Variants in FRMD4A observed in about 807,000 individuals in gnomAD.
FRMD4A encodes the protein FERM domain containing 4A.
Under a neutral mutation model 129.1 loss-of-function variants are expected in FRMD4A, and 29 were observed. That is an observed-to-expected ratio of 0.22 (90% CI 0.17 to 0.31). The LOEUF is 0.31. FRMD4A is among the 10% of genes least tolerant of loss of function. The pLI is 1.00. For missense variants in FRMD4A, 1,272 were observed against 1,375.8 expected (o/e 0.92, Z 1.19); for synonymous variants, 634 against 571.6 (o/e 1.11, Z -1.56).
At chr10:13,927,113 T>C (rs968813166) in intron 2 of FRMD4A, among the ~76,000 whole-genome samples, 2 of 152,052 alleles carry the variant, frequency 1.3e-5, no homozygotes, top group Non-Finnish European at 2.9e-5. Flanking sequence ...AAAAATTAGC[T>C]GGGCGTGGTG....
At chr10:13,884,208 T>TCACACACACACA (rs747364370) in intron 2 of FRMD4A, among the ~76,000 whole-genome samples, 2 of 81,766 alleles carry the variant, frequency 2.4e-5, no homozygotes, top group African/African-American at 9.6e-5. Flanking sequence ...ACACACACAC[T>TCACACACACACA]CACACACACA....
chr10:14,182,306 C>T (rs1233628576), intron 2 of FRMD4A, among the ~76,000 whole-genome samples: 1 of 152,144 alleles, frequency 6.6e-6, no homozygotes, highest in African/African-American at 2.4e-5. Context: ...TTCGGAGGCT[C>T]AGGCAATGAA....
chr10:13,984,400 C>G (rs1011607356), intron 2 of FRMD4A, among the ~76,000 whole-genome samples: 1 of 152,132 alleles, frequency 6.6e-6, no homozygotes, highest in Non-Finnish European at 1.5e-5. Context: ...ATACGTAATA[C>G]AAACTTTACA....
At chr10:13,887,165 A>T (rs572535479) in intron 2 of FRMD4A, among the ~76,000 whole-genome samples, 1 of 152,334 alleles carries the variant, frequency 6.6e-6, no homozygotes, top group South Asian at 2.1e-4. Flanking sequence ...TTATGCTGGT[A>T]CATCTGTAGA....
chr10:13,745,758 G>A (rs1298841047), intron 9 of FRMD4A, among the ~76,000 whole-genome samples: 1 of 152,234 alleles, frequency 6.6e-6, no homozygotes, highest in Non-Finnish European at 1.5e-5. Flanking sequence ...ACAGGTCTCA[G>A]AGGCAAAGAG....
At position 14,011,639 on chromosome 10, in the gene FRMD4A, T is replaced by C. The variant is rs1303619608; in HGVS notation, c.46-152727A>G. ...AGCCATAGATCTGAGTATATGTGGC[T>C]CTGGGCCAGCCCTGAGGGACCGAGA... is the stretch of plus-strand genomic sequence containing the variant. On this transcript the variant is annotated intron_variant, in intron 2 of 24. Transcript: ENST00000357447. Among the ~76,000 whole-genome samples, 5 of 152,266 alleles carry C rather than the reference T, an allele frequency of 3.3e-5. No homozygotes were observed. The East Asian group carries it at 9.6e-4, about 29-fold the overall frequency.
intron 2 of FRMD4A, among the ~76,000 whole-genome samples, chr10:14,060,196 G>GA (rs35455869): frequency 6.6e-6 from 1 of 152,010 alleles, no homozygotes; most frequent in Non-Finnish European, 1.5e-5. Flanking sequence ...GCAAAAACCA[G>GA]AAAAAAATGA....
chr10:13,688,450 C>T (rs565842027), intron 15 of FRMD4A, among the ~76,000 whole-genome samples: 7 of 152,044 alleles, frequency 4.6e-5, no homozygotes, highest in South Asian at 4.2e-4. Context: ...TGCTAAATGA[C>T]GAGTTAATCG....
chr10:14,134,496 G>T (rs1839430734), intron 2 of FRMD4A, among the ~76,000 whole-genome samples: 2 of 151,318 alleles, frequency 1.3e-5, no homozygotes, highest in African/African-American at 4.9e-5. Flanking sequence ...GATATATGGG[G>T]GGATGAATTG....
chr10:13,896,239 A>T (rs2094756787), intron 2 of FRMD4A, among the ~76,000 whole-genome samples: 1 of 152,262 alleles, frequency 6.6e-6, no homozygotes, highest in East Asian at 1.9e-4. Context: ...TTGCAGCACT[A>T]TTTACAATAG....
intron 2 of FRMD4A, among the ~76,000 whole-genome samples, chr10:14,235,215 T>A (rs977212299): frequency 9.4e-5 from 14 of 149,180 alleles, no homozygotes; most frequent in African/African-American, 3.5e-4. Flanking sequence ...AGTGGCGCGA[T>A]CTCGGCTCAC....
At position 13,654,484 on chromosome 10, in the gene FRMD4A, C is replaced by G. The variant is rs374192557; in HGVS notation, c.2982G>C (p.Ser994=). 10 of 1,613,716 alleles carry G rather than the reference C, an allele frequency of 6.2e-6. No individual in the cohort carries two copies. The highest frequency in any genetic ancestry group is 8.5e-6 in the Non-Finnish European group (10 of 1,179,704). The change falls in exon 23 of 25, where the codon TCG becomes TCC. Residue 994 remains serine (S), a synonymous_variant. Coordinates refer to ENST00000357447, the MANE Select transcript of FRMD4A (RefSeq NM_018027.5). The stretch of plus-strand genomic sequence containing the variant: ...TGGCTCCAATTTCACTTGACGGTGT[C>G]GAGCTTCTCTGGCTTTGAGGTAAGG... The part of the protein sequence containing the change: ...SAALPQSQRS[S]TPSSEIGATP...
At position 13,750,113 on chromosome 10, in the gene FRMD4A, A is replaced by ATG. The variant is rs1588550961; in HGVS notation, c.465-2295_465-2294insCA. ...GAAAGAAAGAAAGAAAGAAATGAAG[A>ATG]AAGAAAGAAAGAAAGAAAGAAAGAA... On this transcript the variant is annotated intron_variant, in intron 8 of 24. Coordinates refer to ENST00000357447, the MANE Select transcript of FRMD4A (RefSeq NM_018027.5). Among the ~76,000 whole-genome samples the ATG allele has an allele frequency of 2.2e-3, 242 of 108,036 alleles. 1 individual carries two copies. The highest frequency in any genetic ancestry group is 3.0e-3 in the Non-Finnish European group (150 of 50,302). 70.9% of individuals were successfully genotyped at this position (108,036 alleles called of 152,430 possible).
intron 2 of FRMD4A, among the ~76,000 whole-genome samples, chr10:13,913,154 A>G (rs376763522): frequency 6.6e-6 from 1 of 152,162 alleles, no homozygotes; most frequent in African/African-American, 2.4e-5. Flanking sequence ...CCTTGGACAC[A>G]TTATGCTAAC....
In FRMD4A at chr10:14,056,402, G is replaced by GA. The variant is rs201823447; in HGVS notation, c.46-197491dup. ...CACCTCTCCCCAACCCCCCGTGATT[G>GA]AAAAAAAAATTTAAAGTTTTTTCCC... On this transcript the variant is annotated intron_variant, in intron 2 of 24. Coordinates refer to ENST00000357447, the MANE Select transcript of FRMD4A (RefSeq NM_018027.5). Among the ~76,000 whole-genome samples the GA allele has an allele frequency of 3.6e-3, 528 of 148,172 alleles. 9 individuals are homozygous for GA. The highest frequency in any genetic ancestry group is 0.03 in the East Asian group (150 of 5,068).
At chr10:13,649,854 A>G (rs74121350) in intron 24 of FRMD4A, among the ~76,000 whole-genome samples, 4,724 of 152,300 alleles carry the variant, frequency 0.031, 200 homozygotes, top group African/African-American at 0.089. Flanking sequence ...GGGCCACTAA[A>G]TAGTTGCCCT....
chr10:14,044,540 A>T (rs1465996515), intron 2 of FRMD4A, among the ~76,000 whole-genome samples: 1 of 152,182 alleles, frequency 6.6e-6, no homozygotes, highest in Admixed American at 6.5e-5. Flanking sequence ...AGAACACCAT[A>T]TGAGGACAGA....
intron 2 of FRMD4A, among the ~76,000 whole-genome samples, chr10:14,224,971 T>C (rs1270041573): frequency 1.3e-5 from 2 of 152,170 alleles, no homozygotes; most frequent in Non-Finnish European, 2.9e-5. Context: ...ATAAATGTGC[T>C]CTGCCCCCTC....
chr10:14,161,226 G>T (rs1045933995), intron 2 of FRMD4A, among the ~76,000 whole-genome samples: 9 of 152,204 alleles, frequency 5.9e-5, no homozygotes, highest in Non-Finnish European at 8.8e-5. Context: ...AAAGTGCTGG[G>T]ATTACAGGCG....
Sources: gnomAD v4.1 joint callset for allele counts (sites outside exome capture counted in the v4.1 genomes callset) on GRCh38, gnomAD v4.1.1 for gene constraint, MANE v1.5 for transcripts, NCBI Gene and HGNC (gene_info 2026-07-23, HGNC 2026-07-21) for gene names.